PCDH9: variants seen among roughly 807,000 people sequenced by gnomAD.
The protein encoded by PCDH9 is protocadherin-9.
PCDH9 carries 24 observed loss-of-function variants against 70.6 expected under a neutral mutation model. That is an observed-to-expected ratio of 0.34 (90% CI 0.25 to 0.48). The LOEUF (loss-of-function observed/expected upper bound fraction) is 0.48, where lower values mean the gene tolerates loss of function less well. Among genes scored for constraint, PCDH9 ranks in the 20% least tolerant of loss-of-function variants. The pLI, the probability that PCDH9 is intolerant of heterozygous loss-of-function variation, is 0.99. For missense variants in PCDH9, 1,281 were observed against 1,503.6 expected (o/e 0.85, Z 2.45); for synonymous variants, 562 against 558.5 (o/e 1.01, Z -0.09).
chr13:66,589,028 T>C (rs913403038), intron 4 of PCDH9, among the ~76,000 whole-genome samples: 12 of 152,204 alleles, frequency 7.9e-5, no homozygotes, highest in African/African-American at 2.9e-4. Flanking sequence ...TTATATAAAA[T>C]GTTCCCTTTT....
chr13:67,153,167 GT>G (rs35270745), intron 2 of PCDH9, among the ~76,000 whole-genome samples: 25,508 of 146,102 alleles, frequency 0.17, 2,426 homozygotes, highest in Non-Finnish European at 0.22. Flanking sequence ...CCCTTTCACA[GT>G]TTTTTTTTTT....
At chr13:66,414,695 A>G (rs1354695493) in intron 4 of PCDH9, among the ~76,000 whole-genome samples, 2 of 152,212 alleles carry the variant, frequency 1.3e-5, no homozygotes, top group African/African-American at 4.8e-5. Context: ...TCTGAGAGAT[A>G]AGACTTGCTC....
intron 2 of PCDH9, among the ~76,000 whole-genome samples, chr13:67,064,371 C>A (rs962693532): frequency 2.0e-5 from 3 of 152,174 alleles, no homozygotes; most frequent in African/African-American, 7.2e-5. Context: ...AATCAGCCTG[C>A]GTACCAGTGC....
chr13:66,742,187 C>T (rs1457628363), intron 3 of PCDH9, among the ~76,000 whole-genome samples: 21 of 49,738 alleles, frequency 4.2e-4, no homozygotes, highest in African/African-American at 1.5e-3. Context: ...GAAATAACGC[C>T]GCATACCTAC....
intron 3 of PCDH9, among the ~76,000 whole-genome samples, chr13:66,794,009 A>G (rs1454089781): frequency 6.6e-6 from 1 of 152,180 alleles, no homozygotes; most frequent in African/African-American, 2.4e-5. Context: ...CAGTATATGT[A>G]TATGTGATTA....
intron 4 of PCDH9, among the ~76,000 whole-genome samples, chr13:66,597,841 G>T (rs1371689860): frequency 6.6e-6 from 1 of 151,520 alleles, no homozygotes; most frequent in Non-Finnish European, 1.5e-5. Flanking sequence ...TCTGATAAGA[G>T]ATTGAAATCC....
chr13:67,040,277 G>T (rs1271765919), intron 2 of PCDH9, among the ~76,000 whole-genome samples: 1 of 152,094 alleles, frequency 6.6e-6, no homozygotes, highest in Non-Finnish European at 1.5e-5. Flanking sequence ...TTATTCTTGA[G>T]GGTGAATCCC....
At chr13:66,434,880 C>G (rs1239387469) in intron 4 of PCDH9, among the ~76,000 whole-genome samples, 1 of 151,788 alleles carries the variant, frequency 6.6e-6, no homozygotes, top group Non-Finnish European at 1.5e-5. Flanking sequence ...GAAACTAGTT[C>G]AATAATATTT....
At chr13:66,562,006 C>T (rs757825477) in intron 4 of PCDH9, among the ~76,000 whole-genome samples, 4 of 151,972 alleles carry the variant, frequency 2.6e-5, no homozygotes, top group Non-Finnish European at 4.4e-5. Flanking sequence ...CCTGAGCCAG[C>T]GAGACCACAA....
intron 2 of PCDH9, among the ~76,000 whole-genome samples, chr13:67,078,757 A>G (rs2085927479): frequency 6.6e-6 from 1 of 152,174 alleles, no homozygotes; most frequent in African/African-American, 2.4e-5. Flanking sequence ...TTTGTAAGGA[A>G]GAAACACAGC....
intron 4 of PCDH9, among the ~76,000 whole-genome samples, chr13:66,586,097 A>C (rs951537644): frequency 6.6e-6 from 1 of 152,178 alleles, no homozygotes; most frequent in Admixed American, 6.5e-5. Flanking sequence ...TGAGAGTGAG[A>C]GGATACCCTT....
At chr13:66,493,241 T>A (rs184355188) in intron 4 of PCDH9, among the ~76,000 whole-genome samples, 31 of 152,288 alleles carry the variant, frequency 2.0e-4, no homozygotes, top group African/African-American at 7.2e-4. Flanking sequence ...TATGTCAGTG[T>A]GGCAAATGTG....
chr13:66,964,631 CTTCAGGA>C (rs2083402652), intron 2 of PCDH9, among the ~76,000 whole-genome samples: 1 of 151,684 alleles, frequency 6.6e-6, no homozygotes, highest in Non-Finnish European at 1.5e-5. Context: ...AAAAAATATT[CTTCAGGA>C]TTCTAACAAA....
At chr13:66,908,656 T>C (rs1161556986) in intron 2 of PCDH9, among the ~76,000 whole-genome samples, 1 of 152,218 alleles carries the variant, frequency 6.6e-6, no homozygotes, top group Non-Finnish European at 1.5e-5. Context: ...TGAAAATTTG[T>C]TCTGATCATT....
intron 2 of PCDH9, among the ~76,000 whole-genome samples, chr13:66,995,314 G>C (rs533982458): frequency 1.3e-5 from 2 of 152,066 alleles, no homozygotes. Flanking sequence ...CAAAAGAGGT[G>C]GACAGTGATA....
intron 2 of PCDH9, chr13:67,209,639 T>A (rs547341785): frequency 6.6e-6 from 1 of 152,228 alleles, no homozygotes; most frequent in South Asian, 2.1e-4. Flanking sequence ...CGAGTAAGTA[T>A]TCCTAAGCTG....
chr13:66,487,034 A>G (rs1958955285), intron 4 of PCDH9, among the ~76,000 whole-genome samples: 1 of 152,190 alleles, frequency 6.6e-6, no homozygotes, highest in South Asian at 2.1e-4. Context: ...AATTACGTTT[A>G]ACTTGTCTGT....
chr13:66,811,510 G>A (rs1289374714), intron 3 of PCDH9, among the ~76,000 whole-genome samples: 1 of 152,022 alleles, frequency 6.6e-6, no homozygotes, highest in Admixed American at 6.6e-5. Flanking sequence ...AATCCTAATA[G>A]TTGCTACTTG....
At chr13:66,997,401 A>G (rs901378414) in intron 2 of PCDH9, among the ~76,000 whole-genome samples, 11 of 152,204 alleles carry the variant, frequency 7.2e-5, no homozygotes, top group African/African-American at 2.7e-4. Flanking sequence ...GTGAACTCAT[A>G]GAGGGAGAAC....
Sources: allele counts gnomAD v4.1 joint callset (sites outside exome capture counted in the v4.1 genomes callset), GRCh38; gene constraint gnomAD v4.1.1; transcripts MANE v1.5; gene names NCBI Gene and HGNC (gene_info 2026-07-23, HGNC 2026-07-21).